The following NUP155 variants were observed in gnomAD, a reference collection of about 807,000 sequenced individuals.
NUP155 encodes nuclear pore complex protein Nup155.
In NUP155, 71 loss-of-function variants were observed where a neutral mutation model predicts 180.4. The observed-to-expected ratio is 0.39, with a 90% confidence interval of 0.33 to 0.48. The LOEUF (loss-of-function observed/expected upper bound fraction) is 0.48, where lower values mean the gene tolerates loss of function less well. Among genes scored for constraint, NUP155 ranks in the 20% least tolerant of loss-of-function variants. The probability of loss-of-function intolerance (pLI) is 0.91; values close to 1 mark genes in which losing one functional copy is unlikely to be tolerated. For synonymous variants in NUP155, 582 were observed against 559.5 expected (o/e 1.04, Z -0.57); for missense variants, 1,553 against 1,648.9 (o/e 0.94, Z 1.01).
intron 34 of NUP155, 124 bp downstream of exon 34, chr5:37,292,755 T>A: frequency 1.5e-6 from 1 of 680,590 alleles, no homozygotes; most frequent in Admixed American, 2.5e-5. Flanking sequence ...GTGATCAATA[T>A]CATTCAAATA....
Position 37,349,194 on chromosome 5 carries a change from C to A in NUP155, c.881G>T (p.Arg294Leu), listed in dbSNP as rs201036380. 1.1e-5 allele frequency: 8 copies of A among 749,872 alleles called. No homozygotes were observed. The highest frequency in any genetic ancestry group is 1.7e-5 in the Non-Finnish European group (8 of 471,560). The allele number at this position is 749,872 out of a possible 1,614,324, so 46.5% of individuals were successfully genotyped here. Residue 294 changes from arginine to leucine, a missense_variant, in exon 8 of 35, where the codon CGA (arginine) becomes CTA (leucine). Transcript: ENST00000231498. ...IDNSRNILYT[R>L]SEKGVIQVYD... is the part of the protein sequence containing the mutation. Reference sequence around the variant, plus strand: ...AACCTGTATTACTCCTTTCTCAGATCGTGTATATAAAATATTTCTAGAATT... The same window carrying A: ...AACCTGTATTACTCCTTTCTCAGATAGTGTATATAAAATATTTCTAGAATT...
At chr5:37,335,697 C>T (rs1325690971) in intron 12 of NUP155, among the ~76,000 whole-genome samples, 1 of 152,068 alleles carries the variant, frequency 6.6e-6, no homozygotes, top group African/African-American at 2.4e-5. Flanking sequence ...CACCTGTAAT[C>T]CCAACACATT....
chr5:37,360,335 A>T (rs889626812), intron 3 of NUP155, among the ~76,000 whole-genome samples: 1 of 151,926 alleles, frequency 6.6e-6, no homozygotes, highest in African/African-American at 2.4e-5. Context: ...ACAAAAAAAA[A>T]TTAGCTGGCC....
intron 32 of NUP155, among the ~76,000 whole-genome samples, chr5:37,297,972 G>A (rs557189488): frequency 1.0e-4 from 15 of 149,900 alleles, no homozygotes; most frequent in African/African-American, 2.2e-4. Flanking sequence ...GCACAGTGGC[G>A]AACGCCTTTA....
chr5:37,351,275 G>A lies in NUP155; in HGVS notation c.638C>T (p.Thr213Ile), dbSNP rs1746437960. The change falls in exon 6 of 35, where the codon ACT (threonine) becomes ATT (isoleucine). Residue 213 changes from threonine (T) to isoleucine (I), a missense_variant. By Grantham distance (89) the Thr-to-Ile change is moderately conservative. Transcript: ENST00000231498. Reference sequence around the variant, plus strand: ...AGTGGAAGTTATTGTTAAAAGGTAAGTATTATCAGTAGGAAGAGAATATAA... The same window carrying A: ...AGTGGAAGTTATTGTTAAAAGGTAAATATTATCAGTAGGAAGAGAATATAA... The part of the protein sequence containing the change: ...DPLYSLPTDN[T>I]YLLTITSTDN... 1 of 1,612,252 alleles carries A rather than the reference G, an allele frequency of 6.2e-7. No individual in the cohort carries two copies. The highest frequency in any genetic ancestry group is 8.5e-7 in the Non-Finnish European group (1 of 1,178,518).
Position 37,310,625 on chromosome 5 carries a change from A to G in NUP155, c.2555T>C (p.Val852Ala), listed in dbSNP as rs1227483000. ...CTGTAAATGTAAACTAATGCCATCAACAGCGGCATTATCTCTGATGTAGCA... is the reference window on the plus strand; with the variant it reads ...CTGTAAATGTAAACTAATGCCATCAGCAGCGGCATTATCTCTGATGTAGCA... ...INCYIRDNAA[V>A]DGISLHLQDI... Residue 852 changes from valine (V) to alanine (A), a missense_variant, in exon 23 of 35, where the codon GTT (valine) becomes GCT (alanine). Coordinates refer to ENST00000231498, the MANE Select transcript of NUP155 (RefSeq NM_153485.3). The G allele has an allele frequency of 1.9e-6, 3 of 1,613,400 alleles. No homozygotes were observed. Among genetic ancestry groups the G allele is most frequent in the Admixed American group, 3.3e-5 (2 of 59,996 alleles).
In NUP155 at chr5:37,307,362, C is replaced by G; in HGVS notation, c.2838G>C (p.Gly946=). Residue 946 remains glycine (G), a synonymous_variant, in exon 25 of 35, where the codon GGG becomes GGC. Coordinates refer to ENST00000231498, the MANE Select transcript of NUP155 (RefSeq NM_153485.3). ...GTTCTCCATGTTTATAGAAATGAAG[C>G]CCAAGACCTTGAGGATCTTTTTTCT... ...AAEKKDPQGL[G]LHFYKHGEPE... is the part of the protein sequence containing the mutation. 6.2e-7 allele frequency: 1 copy of G among 1,613,910 alleles called. No individual in the cohort carries two copies. The highest frequency in any genetic ancestry group is 8.5e-7 in the Non-Finnish European group (1 of 1,179,896).
intron 12 of NUP155, among the ~76,000 whole-genome samples, chr5:37,335,360 C>A (rs1745258228): frequency 7.6e-6 from 1 of 131,236 alleles, no homozygotes. Flanking sequence ...CTCCAGGCAA[C>A]AGAGCAAAAC....
chr5:37,337,667 A>G, intron 12 of NUP155, 151 bp downstream of exon 12: 1 of 573,048 alleles, frequency 1.7e-6, no homozygotes, highest in Non-Finnish European at 3.1e-6. Context: ...AGGAAAACAA[A>G]TAATTGACAG....
intron 22 of NUP155, among the ~76,000 whole-genome samples, chr5:37,313,409 G>C (rs1402752447): frequency 2.6e-5 from 4 of 151,130 alleles, no homozygotes; most frequent in Non-Finnish European, 4.4e-5. Flanking sequence ...CTGGGCGACA[G>C]AGTGAGACTC....
chr5:37,316,565 A>G lies in NUP155; in HGVS notation c.2305+1423T>C, dbSNP rs562345388. Among the ~76,000 whole-genome samples the G allele has an allele frequency of 6.6e-5, 10 of 152,246 alleles. 1 individual carries two copies. The highest frequency in any genetic ancestry group is 1.7e-4 in the African/African-American group (7 of 41,552). On this transcript the variant is annotated intron_variant, in intron 21 of 34. Transcript: ENST00000231498. ...CTGCAACCTCCGCCTGCTGGGTTCA[A>G]GTGATTCTCTTGCCTCGGCCTCCCG...
chr5:37,348,865 C>T (rs1016433401), intron 8 of NUP155, among the ~76,000 whole-genome samples: 6 of 151,942 alleles, frequency 3.9e-5, no homozygotes, highest in African/African-American at 9.7e-5. Context: ...AAATGATTCT[C>T]CTGCCTCAGC....
chr5:37,314,639 C>T (rs184366524), intron 21 of NUP155, among the ~76,000 whole-genome samples: 215 of 150,462 alleles, frequency 1.4e-3, no homozygotes, highest in Non-Finnish European at 2.3e-3. Flanking sequence ...AGATCGAGAC[C>T]GTCCTGGCTA....
Position 37,297,210 on chromosome 5 carries a change from C to T in NUP155, c.3793+1658G>A, listed in dbSNP as rs138469493. Among the ~76,000 whole-genome samples the T allele has an allele frequency of 7.6e-3, 1,156 of 152,116 alleles. 14 individuals carry two copies. Among genetic ancestry groups the T allele is most frequent in the Non-Finnish European group, 9.6e-3 (650 of 67,994 alleles). On this transcript the variant is annotated intron_variant, in intron 32 of 34. Transcript: ENST00000231498. Reference sequence around the variant, plus strand: ...CTAATCTTAATTTTTTTTGTAGAGACGGGGCTTGCTATGCCCAGGCTGGTC... The same window carrying T: ...CTAATCTTAATTTTTTTTGTAGAGATGGGGCTTGCTATGCCCAGGCTGGTC...
At chr5:37,295,424 T>G (rs1284070274) in intron 32 of NUP155, among the ~76,000 whole-genome samples, 1 of 152,052 alleles carries the variant, frequency 6.6e-6, no homozygotes, top group Non-Finnish European at 1.5e-5. Flanking sequence ...CAGCCTGCCT[T>G]GGCCTCCCAA....
At chr5:37,344,893 T>C (rs963225400) in intron 9 of NUP155, among the ~76,000 whole-genome samples, 3 of 150,962 alleles carry the variant, frequency 2.0e-5, no homozygotes, top group African/African-American at 7.3e-5. Flanking sequence ...AAAAAAGATT[T>C]TGGGGGCACG....
At chr5:37,329,795 A>C (rs1442484393) in intron 15 of NUP155, among the ~76,000 whole-genome samples, 1 of 152,208 alleles carries the variant, frequency 6.6e-6, no homozygotes, top group Non-Finnish European at 1.5e-5. Context: ...AAAGTGTAGA[A>C]AGTAGACAAG....
intron 25 of NUP155, among the ~76,000 whole-genome samples, chr5:37,307,028 T>C (rs571514799): frequency 2.5e-4 from 38 of 151,332 alleles, no homozygotes; most frequent in African/African-American, 9.0e-4. Flanking sequence ...TGAAACCCTG[T>C]CTCTACTAAA....
intron 25 of NUP155, among the ~76,000 whole-genome samples, chr5:37,305,721 A>T (rs917761442): frequency 1.3e-5 from 2 of 151,830 alleles, no homozygotes; most frequent in African/African-American, 4.8e-5. Flanking sequence ...CGAAACAAAA[A>T]ATTAACCAGG....
Sources: gnomAD v4.1 joint callset for allele counts (sites outside exome capture counted in the v4.1 genomes callset) on GRCh38, gnomAD v4.1.1 for gene constraint, MANE v1.5 for transcripts, NCBI Gene and HGNC (gene_info 2026-07-23, HGNC 2026-07-21) for gene names.